OSBPL5: variants seen among roughly 807,000 people sequenced by gnomAD.
OSBPL5 encodes the protein oxysterol binding protein like 5, also known as oxysterol-binding protein-related protein 5.
Under a neutral mutation model 111.2 loss-of-function variants are expected in OSBPL5, and 71 were observed. The observed-to-expected ratio is 0.64, with a 90% CI of 0.53 to 0.78. The LOEUF (loss-of-function observed/expected upper bound fraction) is 0.78, where lower values mean the gene tolerates loss of function less well. Ranked by LOEUF, OSBPL5 falls within the 30% of genes least tolerant of loss-of-function variation. The probability of loss-of-function intolerance (pLI) is 0.00; values close to 1 mark genes in which losing one functional copy is unlikely to be tolerated. For synonymous variants in OSBPL5, 549 were observed against 513.9 expected (o/e 1.07, Z -0.93); for missense variants, 1,210 against 1,189.3 (o/e 1.02, Z -0.26).
chr11:3,148,138 C>T (rs1459656315), intron 1 of OSBPL5, among the ~76,000 whole-genome samples: 1 of 152,232 alleles, frequency 6.6e-6, no homozygotes, highest in East Asian at 1.9e-4. Flanking sequence ...CTGGGGGAGT[C>T]TGACCACGAT....
At position 3,130,527 on chromosome 11, in the gene OSBPL5, C is replaced by T. The variant is rs1254441190; in HGVS notation, c.-21-1358G>A. On this transcript the variant is annotated intron_variant, in intron 1 of 21. Transcript: ENST00000263650. This position sits in a 1 kb window ranked among gnomAD's most constrained non-coding sequence, Gnocchi z 4.5. ...CACCCCAGAGCCCCCTCTGTGCCCC[C>T]AGTCCTGAAGTCAGAGTGGGGAGGG... Among the ~76,000 whole-genome samples the T allele has an allele frequency of 6.6e-6, 1 of 152,192 alleles. No individual in the cohort carries two copies. Among genetic ancestry groups the T allele is most frequent in the Non-Finnish European group, 1.5e-5 (1 of 68,026 alleles).
chr11:3,135,162 C>A (rs568999717), intron 1 of OSBPL5, among the ~76,000 whole-genome samples: 1 of 152,212 alleles, frequency 6.6e-6, no homozygotes, highest in African/African-American at 2.4e-5. Context: ...TGCGCCCTGG[C>A]GGTGCTTCGC....
At chr11:3,101,730 C>A in intron 12 of OSBPL5, 31 bp from the exon 13 acceptor site, 3 of 1,569,774 alleles carry the variant, frequency 1.9e-6, no homozygotes, top group East Asian at 2.2e-5. Flanking sequence ...CTGTAAACAG[C>A]CCCGGAAACA....
At chr11:3,120,774 C>T in intron 5 of OSBPL5, 150 bp from the exon 6 acceptor site, 2 of 806,732 alleles carry the variant, frequency 2.5e-6, no homozygotes, top group South Asian at 3.3e-5. Context: ...GTTCGGAACT[C>T]ACCCCTTCCT....
chr11:3,120,293 G>A (rs1012665641), intron 6 of OSBPL5, 128 bp downstream of exon 6: 12 of 1,156,638 alleles, frequency 1.0e-5, no homozygotes, highest in Admixed American at 2.2e-5. Flanking sequence ...GCTCAGAGAA[G>A]GTGAGACACC....
chr11:3,104,174 C>T lies in OSBPL5; in HGVS notation c.1244+19G>A, dbSNP rs774765259. On this transcript the variant is annotated intron_variant, in intron 10 of 21. Coordinates refer to ENST00000263650, the MANE Select transcript of OSBPL5 (RefSeq NM_020896.4). This position sits in a 1 kb window ranked among gnomAD's most constrained non-coding sequence, Gnocchi z 5.0. The stretch of plus-strand genomic sequence containing the variant: ...ATGCAGGACGAGGTGTGGGGTGCCC[C>T]TCCCGGCATGGCGCGCACCTGGAGA... 1.8e-5 allele frequency: 28 copies of T among 1,589,670 alleles called. No individual in the cohort carries two copies. Among genetic ancestry groups the T allele is most frequent in the Middle Eastern group, 3.3e-4 (2 of 5,988 alleles).
At chr11:3,103,862 A>AGCCCTCTTCCTGCCTGTGCC (rs1857593586) in intron 10 of OSBPL5, among the ~76,000 whole-genome samples, 1 of 35,958 alleles carries the variant, frequency 2.8e-5, no homozygotes, top group African/African-American at 9.2e-5. Context: ...CAGTCTGCGC[A>AGCCCTCTTCCTGCCTGTGCC]GCCCCCTTCC....
Position 3,130,122 on chromosome 11 carries a change from C to T in OSBPL5, c.-21-953G>A, listed in dbSNP as rs1858775827. ...TGCAGGCACTTGAAGTTGACGGCGCCAGATCCACTGAGGTCTCAGCCCATT... is the reference window on the plus strand; with the variant it reads ...TGCAGGCACTTGAAGTTGACGGCGCTAGATCCACTGAGGTCTCAGCCCATT... On this transcript the variant is annotated intron_variant, in intron 1 of 21. Coordinates refer to ENST00000263650, the MANE Select transcript of OSBPL5 (RefSeq NM_020896.4). This position sits in a 1 kb window ranked among gnomAD's most constrained non-coding sequence, Gnocchi z 4.5. Among the ~76,000 whole-genome samples the T allele has an allele frequency of 6.6e-6, 1 of 152,252 alleles. No homozygotes were observed. Among genetic ancestry groups the T allele is most frequent in the Non-Finnish European group, 1.5e-5 (1 of 68,050 alleles).
chr11:3,125,662 G>T (rs974475534), intron 3 of OSBPL5, among the ~76,000 whole-genome samples: 2 of 152,208 alleles, frequency 1.3e-5, no homozygotes, highest in Non-Finnish European at 2.9e-5. Flanking sequence ...AAAATTGGCC[G>T]GGCGTGGTGG....
At position 3,135,438 on chromosome 11, in the gene OSBPL5, G is replaced by A. The variant is rs561315416; in HGVS notation, c.-21-6269C>T. Among the ~76,000 whole-genome samples the A allele has an allele frequency of 3.9e-5, 6 of 152,238 alleles. No homozygotes were observed. The East Asian group carries it at 7.7e-4, about 20-fold the overall frequency. On this transcript the variant is annotated intron_variant, in intron 1 of 21. Coordinates refer to ENST00000263650, the MANE Select transcript of OSBPL5 (RefSeq NM_020896.4). ...GTAAGGGGGACAGAGAGCCAGAACC[G>A]TGGCAGCCAGGCAGAGGCCACTCCT...
At chr11:3,144,324 C>T (rs892399853) in intron 1 of OSBPL5, among the ~76,000 whole-genome samples, 17 of 152,254 alleles carry the variant, frequency 1.1e-4, no homozygotes, top group African/African-American at 3.9e-4. Flanking sequence ...GAGGTGCCCT[C>T]GACATGGTAA....
chr11:3,138,202 G>A (rs1382413968), intron 1 of OSBPL5, among the ~76,000 whole-genome samples: 1 of 152,210 alleles, frequency 6.6e-6, no homozygotes, highest in East Asian at 1.9e-4. Context: ...TACTGGGTCA[G>A]CTGGCCTTGG....
In OSBPL5 at chr11:3,094,310, A is replaced by G; in HGVS notation, c.1646T>C (p.Leu549Pro). 1 of 1,613,526 alleles carries G rather than the reference A, an allele frequency of 6.2e-7. No homozygotes were observed. Among genetic ancestry groups the G allele is most frequent in the Non-Finnish European group, 8.5e-7 (1 of 1,179,916 alleles). The change falls in exon 15 of 22, where the codon CTG (leucine) becomes CCG (proline). Residue 549 changes from leucine (L) to proline (P), a missense_variant. Leu to Pro is a moderately conservative substitution (Grantham distance 98). Coordinates refer to ENST00000263650, the MANE Select transcript of OSBPL5 (RefSeq NM_020896.4). ...GATGGTGACCTTCCCACCCAGCTCC[A>G]GGGTCATCGTGCCATACAGGATTCC... ...CKGILYGTMTLELGGKVTIEC... is the reference protein window; with the variant it reads ...CKGILYGTMTPELGGKVTIEC...
At chr11:3,111,778 A>G (rs926132530) in intron 7 of OSBPL5, among the ~76,000 whole-genome samples, 1 of 152,212 alleles carries the variant, frequency 6.6e-6, no homozygotes, top group Non-Finnish European at 1.5e-5. Context: ...AAGGGGCTTT[A>G]TTCATATAAC....
intron 1 of OSBPL5, among the ~76,000 whole-genome samples, chr11:3,150,397 A>C (rs1846542415): frequency 6.6e-6 from 1 of 152,130 alleles, no homozygotes; most frequent in African/African-American, 2.4e-5. Flanking sequence ...TGGGACCAGG[A>C]TGCAGCCTTG....
rs763652979 is a variant in OSBPL5 at position 3,090,662 on chromosome 11, C to T, written c.2294G>A (p.Ser765Asn). 2.5e-6 allele frequency: 4 copies of T among 1,612,136 alleles called. No homozygotes were observed. The highest frequency in any genetic ancestry group is 3.4e-6 in the Non-Finnish European group (4 of 1,179,786). The change falls in exon 20 of 22, where the codon AGC (serine) becomes AAC (asparagine). Residue 765 changes from serine (S) to asparagine (N), a missense_variant. Transcript: ENST00000263650. ...CTGGCTGTGGCCGGAGGGCTGGTCG[C>T]TGGCCTTGCGAAGCCGCTGGTCTGG... Reference protein sequence around the residue: ...SGPDQRLRKASDQPSGHSQAT... With the variant: ...SGPDQRLRKANDQPSGHSQAT...
At position 3,093,802 on chromosome 11, in the gene OSBPL5, T is replaced by C; in HGVS notation, c.1753A>G (p.Ile585Val). The C allele has an allele frequency of 1.9e-6, 3 of 1,612,900 alleles. No individual in the cohort carries two copies. Among genetic ancestry groups the C allele is most frequent in the South Asian group, 1.1e-5 (1 of 91,066 alleles). ...FFGGSTSINQISGKITSGEEV... is the reference protein window; with the variant it reads ...FFGGSTSINQVSGKITSGEEV... ...TCTCCCGACGTGATCTTTCCCGAGA[T>C]CTGGTTGATGCTGGTGCTACCCCCG... The change falls in exon 16 of 22, where the codon ATC (isoleucine) becomes GTC (valine). Residue 585 changes from isoleucine (I) to valine (V), a missense_variant. Physicochemically the swap from Ile to Val is conservative, Grantham distance 29. Coordinates refer to ENST00000263650, the MANE Select transcript of OSBPL5 (RefSeq NM_020896.4).
intron 1 of OSBPL5, among the ~76,000 whole-genome samples, chr11:3,152,141 G>A (rs1278140660): frequency 6.6e-6 from 1 of 152,220 alleles, no homozygotes; most frequent in Non-Finnish European, 1.5e-5. Flanking sequence ...CTATTTAAGG[G>A]AGGCAGGGTG....
In OSBPL5 at chr11:3,088,334, C is replaced by T. The variant is rs754046633; in HGVS notation, c.2511G>A (p.Ser837=). The T allele has an allele frequency of 1.5e-5, 24 of 1,570,300 alleles. No homozygotes were observed. The highest frequency in any genetic ancestry group is 1.0e-4 in the South Asian group (9 of 85,992). Residue 837 remains serine (S), a synonymous_variant, in exon 22 of 22, where the codon TCG becomes TCA. Coordinates refer to ENST00000263650, the MANE Select transcript of OSBPL5 (RefSeq NM_020896.4). ...EAQQELHRHL[S]AMLSSTARAA... ...CCCGTGCCGTGGAGCTCAGCATGGC[C>T]GAGAGGTGCCTGCAAGGACAGGCGA...
Sources: gnomAD v4.1 joint callset for allele counts (sites outside exome capture counted in the v4.1 genomes callset) on GRCh38, gnomAD v4.1.1 for gene constraint, Gnocchi (gnomAD v3.1) non-coding constraint, MANE v1.5 for transcripts, NCBI Gene and HGNC (gene_info 2026-07-23, HGNC 2026-07-21) for gene names.